TTC6: variants seen among roughly 807,000 people sequenced by gnomAD.
TTC6 encodes the protein tetratricopeptide repeat domain 6, also known as tetratricopeptide repeat protein 6.
Under a neutral mutation model 210.4 loss-of-function variants are expected in TTC6, and 172 were observed. The ratio of observed to expected loss-of-function variants is 0.82; its 90% CI spans 0.72 to 0.93. TTC6 has a LOEUF of 0.93. Ranked by LOEUF, TTC6 falls within the 40% of genes least tolerant of loss-of-function variation. The pLI is 0.00. For missense variants in TTC6, 2,414 were observed against 2,318.1 expected, an observed-to-expected ratio of 1.04 and a Z score of -0.85; for synonymous variants, 804 against 819.6, an observed-to-expected ratio of 0.98 and a Z score of 0.32.
chr14:37,705,154 A>G (rs17179337), intron 5 of TTC6, among the ~76,000 whole-genome samples: 57,014 of 151,942 alleles, frequency 0.38, 11,364 homozygotes, highest in Admixed American at 0.49. Context: ...GCAGTGAGCA[A>G]TGCCAGGCTA....
chr14:37,621,876 G>C (rs2095651632), upstream of TTC6, among the ~76,000 whole-genome samples: 3 of 151,992 alleles, frequency 2.0e-5, no homozygotes, highest in South Asian at 6.2e-4. Flanking sequence ...TTGTGAAAGG[G>C]CCAATAGGTG....
At chr14:37,603,339 G>T (rs2095619331) in intron 1 of TTC6, among the ~76,000 whole-genome samples, 1 of 152,132 alleles carries the variant, frequency 6.6e-6, no homozygotes, top group Non-Finnish European at 1.5e-5. Context: ...TGGAGTAGTG[G>T]CTGGCATGAG....
chr14:37,625,629 C>T (rs1595027708), intron 1 of TTC6, among the ~76,000 whole-genome samples: 1 of 151,398 alleles, frequency 6.6e-6, no homozygotes, highest in Admixed American at 6.6e-5. Flanking sequence ...TAAGAAGATT[C>T]GAATAAGGAC....
chr14:37,837,278 T>G, intron 29 of TTC6: 1 of 384,340 alleles, frequency 2.6e-6, no homozygotes, highest in Non-Finnish European at 5.1e-6. Flanking sequence ...TCTTCTTTAT[T>G]GATAATTTAT....
chr14:37,647,218 A>G (rs2095703187), intron 1 of TTC6, among the ~76,000 whole-genome samples: 1 of 152,218 alleles, frequency 6.6e-6, no homozygotes, highest in African/African-American at 2.4e-5. Flanking sequence ...GTGGGAAGAC[A>G]CTGGAGGGTT....
At chr14:37,625,969 T>A (rs909118763) in intron 1 of TTC6, among the ~76,000 whole-genome samples, 3 of 152,216 alleles carry the variant, frequency 2.0e-5, no homozygotes, top group Admixed American at 2.0e-4. Context: ...TAATTTTTCA[T>A]TGAAGGTGGC....
chr14:37,830,682 G>A (rs1195036412), intron 29 of TTC6, among the ~76,000 whole-genome samples: 1 of 150,572 alleles, frequency 6.6e-6, no homozygotes, highest in Non-Finnish European at 1.5e-5. Flanking sequence ...TCTTTTCTGG[G>A]TTCCTGTATT....
At chr14:37,613,653 A>T (rs1228581538) in intron 2 of TTC6, among the ~76,000 whole-genome samples, 1 of 152,116 alleles carries the variant, frequency 6.6e-6, no homozygotes, top group African/African-American at 2.4e-5. Context: ...TTTTTTAAAA[A>T]TATAGAGCTA....
chr14:37,787,537 A>G, exon 15 of TTC6: 1 of 1,532,138 alleles, frequency 6.5e-7, no homozygotes, highest in South Asian at 1.2e-5. Context: ...TTTCTGCTGC[A>G]ATTCACTTAG....
chr14:37,649,052 C>G (rs1295856496), intron 1 of TTC6, among the ~76,000 whole-genome samples: 1 of 152,088 alleles, frequency 6.6e-6, no homozygotes, highest in Admixed American at 6.6e-5. Flanking sequence ...CCATGCTGGA[C>G]ACCTCTGTTG....
At chr14:37,800,650 A>G (rs2096104287) in intron 20 of TTC6, among the ~76,000 whole-genome samples, 1 of 152,194 alleles carries the variant, frequency 6.6e-6, no homozygotes, top group Non-Finnish European at 1.5e-5. Context: ...GAGGATCTCC[A>G]GAAGCTTAAG....
chr14:37,771,316 C>T (rs1306427513), intron 14 of TTC6, among the ~76,000 whole-genome samples: 7 of 151,736 alleles, frequency 4.6e-5, no homozygotes, highest in East Asian at 1.9e-4. Flanking sequence ...ATCTTTGTGG[C>T]GTTCTCTGTA....
exon 30 of TTC6, chr14:37,841,454 T>A: frequency 1.3e-6 from 2 of 1,588,310 alleles, no homozygotes; most frequent in Non-Finnish European, 8.5e-7. Flanking sequence ...GGCCAGTGAC[T>A]ACTTCTCAAA....
At chr14:37,841,344 G>T in intron 29 of TTC6, 101 bp from the exon 32 acceptor site, 1 of 955,378 alleles carries the variant, frequency 1.0e-6, no homozygotes, top group Non-Finnish European at 1.5e-6. Flanking sequence ...TGACCTCTTG[G>T]TATGCCACTG....
chr14:37,602,024 G>A (rs1009922478), intron 1 of TTC6, among the ~76,000 whole-genome samples: 1 of 152,346 alleles, frequency 6.6e-6, no homozygotes, highest in South Asian at 2.1e-4. Context: ...TAGTGAGAAG[G>A]AAAAGCCTTG....
chr14:37,642,761 A>G (rs1486318953), intron 1 of TTC6, among the ~76,000 whole-genome samples: 1 of 152,194 alleles, frequency 6.6e-6, no homozygotes, highest in Non-Finnish European at 1.5e-5. Context: ...GGTATAGCCT[A>G]CTACACACCT....
intron 14 of TTC6, among the ~76,000 whole-genome samples, chr14:37,779,524 T>A (rs1595249657): frequency 1.3e-5 from 2 of 152,212 alleles, no homozygotes; most frequent in Non-Finnish European, 2.9e-5. Context: ...ACTACTATAT[T>A]TCAGCATTTG....
chr14:37,730,754 T>C (rs1346878030), intron 7 of TTC6, among the ~76,000 whole-genome samples: 1 of 152,232 alleles, frequency 6.6e-6, no homozygotes, highest in African/African-American at 2.4e-5. Flanking sequence ...GTTTTTCTAA[T>C]TACTTGCCAG....
rs1379160766 is a variant in TTC6, at chr14:37,736,402, T to G, written c.1908+392T>G. On this transcript the variant is annotated intron_variant, in intron 8 of 30. Transcript: ENST00000553443. ...CATTTTGGAAAATGGCTCAGACCAT[T>G]CAGTGCTATCCTTGCTGAAGATACA... 2.6e-5 allele frequency among the ~76,000 whole-genome samples: 4 copies of G among 152,278 alleles called. 1 individual carries two copies. Among genetic ancestry groups the G allele is most frequent in the African/African-American group, 9.6e-5 (4 of 41,570 alleles).
Sources: gnomAD v4.1 joint callset for allele counts (sites outside exome capture counted in the v4.1 genomes callset) on GRCh38, gnomAD v4.1.1 for gene constraint, MANE v1.5 for transcripts, NCBI Gene and HGNC (gene_info 2026-07-23, HGNC 2026-07-21) for gene names.